ERC1: variants seen among roughly 807,000 people sequenced by gnomAD.
ERC1 encodes the protein ELKS/RAB6-interacting/CAST family member 1, also known as RAB6 interacting protein 2.
A neutral mutation model predicts 132.0 loss-of-function variants in ERC1; 56 were observed. The ratio of observed to expected loss-of-function variants is 0.42; its 90% CI spans 0.34 to 0.53. The LOEUF (loss-of-function observed/expected upper bound fraction) is 0.53. ERC1 is among the 20% of genes least tolerant of loss of function. The pLI is 0.03. For missense variants in ERC1, 1,202 were observed against 1,349.9 expected (o/e 0.89, Z 1.72); for synonymous variants, 478 against 476.1 (o/e 1.00, Z -0.05).
chr12:1,360,575 A>G (rs1566675992), intron 15 of ERC1, among the ~76,000 whole-genome samples: 1 of 152,228 alleles, frequency 6.6e-6, no homozygotes. Context: ...ATTAAAATTC[A>G]GTTAATAAAA....
At chr12:1,190,096 G>GT (rs765420935) in intron 12 of ERC1, 44 bp downstream of exon 12, 6 of 1,512,830 alleles carry the variant, frequency 4.0e-6, no homozygotes, top group Middle Eastern at 1.7e-4. Context: ...TTAAAGTATG[G>GT]TTTTAAAAGT....
At position 1,028,333 on chromosome 12, in the gene ERC1, C is replaced by T. The variant is rs1483357962; in HGVS notation, c.430C>T (p.Arg144Cys). ...GGCATCCACTGTACCTCACTCCCTT[C>T]GTCAGGCGAGAGATAACACAATCAT... is the stretch of plus-strand genomic sequence containing the variant. The part of the protein sequence containing the change: ...SMASTVPHSL[R>C]QARDNTIMDL... Residue 144 changes from arginine to cysteine, a missense_variant, in exon 2 of 19, where the codon CGT becomes TGT. Arg to Cys is a radical substitution (Grantham distance 180). Transcript: ENST00000360905. 4 of 1,614,186 alleles carry T rather than the reference C, an allele frequency of 2.5e-6. No individual in the cohort carries two copies. Among genetic ancestry groups the T allele is most frequent in the Non-Finnish European group, 2.5e-6 (3 of 1,180,030 alleles).
At chr12:993,509 A>G (rs896361519) in intron 1 of ERC1, among the ~76,000 whole-genome samples, 1 of 152,212 alleles carries the variant, frequency 6.6e-6, no homozygotes, top group Non-Finnish European at 1.5e-5. Context: ...TACTTGTGAT[A>G]TCCTTGTTGA....
At chr12:1,045,819 G>A (rs1203793300) in intron 2 of ERC1, among the ~76,000 whole-genome samples, 2 of 152,082 alleles carry the variant, frequency 1.3e-5, no homozygotes, top group East Asian at 3.8e-4. Flanking sequence ...TGTTGGAGGA[G>A]GAAATACAAG....
chr12:1,157,518 T>A (rs540681939), intron 8 of ERC1, among the ~76,000 whole-genome samples: 1 of 152,364 alleles, frequency 6.6e-6, no homozygotes, highest in East Asian at 1.9e-4. Flanking sequence ...TGTTAAATAA[T>A]CCACCCCTTC....
intron 7 of ERC1, among the ~76,000 whole-genome samples, chr12:1,118,423 C>T (rs1267859888): frequency 6.6e-6 from 1 of 152,056 alleles, no homozygotes; most frequent in Non-Finnish European, 1.5e-5. Context: ...GTTTCTTGTA[C>T]CATAGAGAAT....
intron 12 of ERC1, among the ~76,000 whole-genome samples, chr12:1,207,936 TATA>T (rs1957489413): frequency 6.6e-6 from 1 of 152,188 alleles, no homozygotes; most frequent in African/African-American, 2.4e-5. Flanking sequence ...TAGTATGTCT[TATA>T]ATAACTATTG....
chr12:1,452,518 C>T (rs1012727655), intron 18 of ERC1, among the ~76,000 whole-genome samples: 1 of 152,144 alleles, frequency 6.6e-6, no homozygotes, highest in Non-Finnish European at 1.5e-5. Flanking sequence ...ATTATCTCTT[C>T]AGATATATCT....
chr12:1,207,831 G>A (rs1957481858), intron 12 of ERC1, among the ~76,000 whole-genome samples: 2 of 152,130 alleles, frequency 1.3e-5, no homozygotes, highest in Non-Finnish European at 2.9e-5. Context: ...TAATTTTAAA[G>A]TTGGCCAAAA....
chr12:1,215,923 A>AAT (rs1407016249), intron 12 of ERC1, among the ~76,000 whole-genome samples: 1 of 152,248 alleles, frequency 6.6e-6, no homozygotes, highest in East Asian at 1.9e-4. Flanking sequence ...GTGTGGGAAT[A>AAT]TAAACAACTT....
Position 1,310,964 on chromosome 12 carries a change from G to T in ERC1, c.2780+20952G>T, listed in dbSNP as rs113290426. On this transcript the variant is annotated intron_variant, in intron 15 of 18. Transcript: ENST00000360905. ...GTCTGAAGAGGGGAGAGCAGAAGGG[G>T]CTGAACTGAGTGTGTTCACCTCTTT... Among the ~76,000 whole-genome samples, 1,501 of 152,324 alleles carry T rather than the reference G, an allele frequency of 9.9e-3. 21 individuals are homozygous for T. The highest frequency in any genetic ancestry group is 0.034 in the African/African-American group (1,406 of 41,572).
intron 2 of ERC1, among the ~76,000 whole-genome samples, chr12:1,048,348 T>C (rs1308930189): frequency 6.6e-6 from 1 of 152,240 alleles, no homozygotes; most frequent in Non-Finnish European, 1.5e-5. Context: ...TGAGATGGCA[T>C]GTTACAGCTC....
chr12:1,185,788 A>G (rs1348007655), intron 11 of ERC1, among the ~76,000 whole-genome samples: 1 of 151,708 alleles, frequency 6.6e-6, no homozygotes, highest in African/African-American at 2.4e-5. Context: ...GGCTTCTCTA[A>G]GACCAAAATT....
intron 7 of ERC1, among the ~76,000 whole-genome samples, chr12:1,135,514 G>C (rs1949161622): frequency 6.6e-6 from 1 of 152,152 alleles, no homozygotes. Flanking sequence ...GTGTCTACCT[G>C]GTACTCAGAA....
chr12:1,219,974 C>T (rs1232546385), intron 12 of ERC1, among the ~76,000 whole-genome samples: 4 of 152,204 alleles, frequency 2.6e-5, no homozygotes, highest in Non-Finnish European at 4.4e-5. Context: ...ACAGCTTAGG[C>T]TCTGTATCCT....
intron 14 of ERC1, among the ~76,000 whole-genome samples, chr12:1,274,552 G>A (rs1375306537): frequency 6.6e-6 from 1 of 151,698 alleles, no homozygotes; most frequent in African/African-American, 2.4e-5. Flanking sequence ...GAGTGCAGTG[G>A]TGCGGTCTTG....
At chr12:1,016,720 G>A (rs904671935) in intron 1 of ERC1, among the ~76,000 whole-genome samples, 1 of 143,756 alleles carries the variant, frequency 7.0e-6, no homozygotes, top group East Asian at 2.1e-4. Context: ...TCTCGATCTC[G>A]GCTCACTGCA....
chr12:1,390,421 TAATA>T (rs1182757378), intron 16 of ERC1, among the ~76,000 whole-genome samples: 5 of 151,964 alleles, frequency 3.3e-5, no homozygotes, highest in African/African-American at 1.2e-4. Flanking sequence ...ATTTAAAAAA[TAATA>T]AAGTTTAATT....
rs778028504 is a variant in ERC1 at position 1,284,137 on chromosome 12, G to A, written c.2620-5715G>A. 2.6e-5 allele frequency among the ~76,000 whole-genome samples: 4 copies of A among 152,136 alleles called. No individual in the cohort carries two copies. The East Asian group carries it at 5.8e-4, about 22-fold the overall frequency. ...AAATCAAATTTCTTCTAGCTCCCAC[G>A]TGTGAGTGAGAACAAGCAACATCTG... On this transcript the variant is annotated intron_variant, in intron 14 of 18. Coordinates refer to ENST00000360905, the MANE Select transcript of ERC1 (RefSeq NM_178040.4).
Sources: gnomAD v4.1 joint callset for allele counts (sites outside exome capture counted in the v4.1 genomes callset) on GRCh38, gnomAD v4.1.1 for gene constraint, MANE v1.5 for transcripts, NCBI Gene and HGNC (gene_info 2026-07-23, HGNC 2026-07-21) for gene names.